The following GLG1 variants were observed in gnomAD, a reference collection of about 807,000 sequenced individuals.
The protein encoded by GLG1 is golgi glycoprotein 1.
GLG1 carries 38 observed loss-of-function variants against 160.5 expected under a neutral mutation model. That is an observed-to-expected ratio of 0.24 (90% CI 0.18 to 0.31). The LOEUF is 0.31. Among genes scored for constraint, GLG1 ranks in the 10% least tolerant of loss-of-function variants. GLG1 has a pLI of 1.00. For missense variants in GLG1, 1,373 were observed against 1,505.2 expected (o/e 0.91, Z 1.45); for synonymous variants, 644 against 543.4 (o/e 1.19, Z -2.57).
intron 2 of GLG1, among the ~76,000 whole-genome samples, chr16:74,516,310 G>C (rs1300540578): frequency 2.0e-5 from 3 of 151,600 alleles, no homozygotes; most frequent in Non-Finnish European, 4.4e-5. Flanking sequence ...TGGAAGTAAA[G>C]CACTCCTCAG....
intron 25 of GLG1, among the ~76,000 whole-genome samples, chr16:74,455,815 C>T (rs942134831): frequency 6.6e-6 from 1 of 152,224 alleles, no homozygotes; most frequent in Non-Finnish European, 1.5e-5. Context: ...GTTTCCTTCA[C>T]TGTAAAGTGA....
chr16:74,580,308 A>G (rs998901211), intron 1 of GLG1, among the ~76,000 whole-genome samples: 2 of 151,610 alleles, frequency 1.3e-5, no homozygotes, highest in African/African-American at 4.8e-5. Context: ...ACATGGCACA[A>G]CCCCCATCTC....
chr16:74,518,474 T>C (rs1204092900), intron 2 of GLG1, among the ~76,000 whole-genome samples: 1 of 152,086 alleles, frequency 6.6e-6, no homozygotes, highest in East Asian at 1.9e-4. Flanking sequence ...TAATAAATGG[T>C]GTTGGGAAAA....
chr16:74,473,758 T>C (rs1475751536), intron 13 of GLG1, among the ~76,000 whole-genome samples: 1 of 152,000 alleles, frequency 6.6e-6, no homozygotes, highest in African/African-American at 2.4e-5. Context: ...ATTTTTAAAA[T>C]ATTTTAGTGG....
At chr16:74,487,676 T>C (rs570729137) in intron 8 of GLG1, among the ~76,000 whole-genome samples, 1 of 152,130 alleles carries the variant, frequency 6.6e-6, no homozygotes, top group East Asian at 1.9e-4. Flanking sequence ...TGAGAAAAGT[T>C]GGAAGCAACA....
chr16:74,456,764 G>A lies in GLG1; in HGVS notation c.3266-9C>T, dbSNP rs777506206. On this transcript the variant is annotated splice_polypyrimidine_tract_variant and intron_variant, in intron 24 of 25. Transcript: ENST00000422840. ...CATGAGACAGGACATTTCTGTGGGA[G>A]GAAATGAATAATAAGAAGAACCTGA... 2.0e-6 allele frequency: 3 copies of A among 1,509,596 alleles called. No individual in the cohort carries two copies. Among genetic ancestry groups the A allele is most frequent in the Non-Finnish European group, 2.8e-6 (3 of 1,084,644 alleles). 93.5% of individuals were successfully genotyped at this position (1,509,596 alleles called of 1,614,324 possible). A position where few individuals can be genotyped will look rare whatever the true frequency, so the allele number is the denominator to read the frequency against.
intron 23 of GLG1, 136 bp from the exon 24 acceptor site, chr16:74,458,130 T>C: frequency 1.4e-6 from 1 of 736,196 alleles, no homozygotes; most frequent in Non-Finnish European, 2.3e-6. Flanking sequence ...TGGGACAGGT[T>C]GCAAGGTGGT....
chr16:74,587,399 G>C (rs1447739407), intron 1 of GLG1, among the ~76,000 whole-genome samples: 2 of 152,198 alleles, frequency 1.3e-5, no homozygotes, highest in Non-Finnish European at 2.9e-5. Context: ...AAGAAAGAGT[G>C]AGAATAAAGA....
At chr16:74,508,706 T>A (rs1359239271) in intron 3 of GLG1, 133 bp downstream of exon 3, 9 of 582,884 alleles carry the variant, frequency 1.5e-5, no homozygotes, top group Non-Finnish European at 2.8e-5. Context: ...CCCCCCAACT[T>A]CCTAATTTTC....
intron 15 of GLG1, 45 bp downstream of exon 15, chr16:74,471,127 CA>C: frequency 2.1e-6 from 2 of 975,438 alleles, no homozygotes; most frequent in Non-Finnish European, 3.4e-6. Flanking sequence ...ATTCAGTCAA[CA>C]TCCAGGCAGC....
At chr16:74,601,939 C>A (rs899441322) in intron 1 of GLG1, among the ~76,000 whole-genome samples, 7 of 152,102 alleles carry the variant, frequency 4.6e-5, no homozygotes, top group South Asian at 2.1e-4. Flanking sequence ...AGACAACTTA[C>A]TTTAGCTCTT....
intron 12 of GLG1, among the ~76,000 whole-genome samples, chr16:74,476,600 C>T (rs1040937775): frequency 1.3e-5 from 2 of 152,168 alleles, no homozygotes; most frequent in East Asian, 3.9e-4. Flanking sequence ...ATTCCTACTG[C>T]TGAGTATCCT....
intron 19 of GLG1, among the ~76,000 whole-genome samples, chr16:74,464,940 G>A (rs1452912908): frequency 6.6e-6 from 1 of 152,148 alleles, no homozygotes; most frequent in Non-Finnish European, 1.5e-5. Context: ...CCTCCCAGGA[G>A]CGATTCTCTT....
intron 1 of GLG1, among the ~76,000 whole-genome samples, chr16:74,564,101 T>G (rs2018583988): frequency 6.6e-6 from 1 of 152,178 alleles, no homozygotes; most frequent in South Asian, 2.1e-4. Flanking sequence ...TTGTATTTTC[T>G]GTAGAGACAG....
chr16:74,584,280 C>T (rs935468337), intron 1 of GLG1, among the ~76,000 whole-genome samples: 2 of 152,178 alleles, frequency 1.3e-5, no homozygotes, highest in Non-Finnish European at 2.9e-5. Context: ...CCATGCACGG[C>T]TTCGAAAAAC....
intron 4 of GLG1, 32 bp downstream of exon 4, chr16:74,503,499 C>A (rs775426338): frequency 1.4e-6 from 2 of 1,387,134 alleles, no homozygotes. Flanking sequence ...ATTTTAAGAC[C>A]CCTTTGTTGA....
chr16:74,508,315 A>G (rs989523548), intron 3 of GLG1, among the ~76,000 whole-genome samples: 11 of 137,930 alleles, frequency 8.0e-5, no homozygotes, highest in Non-Finnish European at 1.5e-4. Context: ...TATTGATTCA[A>G]AAAAAAAAAA....
Position 74,453,087 on chromosome 16 carries a change from G to C in GLG1, c.*80C>G. 6.4e-7 allele frequency: 1 copy of C among 1,551,972 alleles called. No individual in the cohort carries two copies. The highest frequency in any genetic ancestry group is 1.3e-5 in the South Asian group (1 of 79,390). On this transcript the variant is annotated 3_prime_UTR_variant, in exon 26 of 26. Coordinates refer to ENST00000422840, the MANE Select transcript of GLG1 (RefSeq NM_001145667.2). ...GGTTGGTGTCACTTCTGAGAAGAGC[G>C]AGGTGAGTGGGGATGCTATACAAGA... is the stretch of plus-strand genomic sequence containing the variant.
chr16:74,549,630 T>C (rs1177775822), intron 1 of GLG1, among the ~76,000 whole-genome samples: 1 of 152,060 alleles, frequency 6.6e-6, no homozygotes, highest in Non-Finnish European at 1.5e-5. Flanking sequence ...ACAGCTAGCA[T>C]AGCACGTTCA....
Sources: allele counts gnomAD v4.1 joint callset (sites outside exome capture counted in the v4.1 genomes callset), GRCh38; gene constraint gnomAD v4.1.1; transcripts MANE v1.5; gene names NCBI Gene and HGNC (gene_info 2026-07-23, HGNC 2026-07-21).